Variants in RCOR2 observed in about 807,000 individuals in gnomAD.
The protein encoded by RCOR2 is REST corepressor 2.
A neutral mutation model predicts 58.9 loss-of-function variants in RCOR2; 19 were observed. That is an observed-to-expected ratio of 0.32 (90% confidence interval 0.23 to 0.47). The LOEUF (loss-of-function observed/expected upper bound fraction) is 0.47. Ranked by LOEUF, RCOR2 falls within the 20% of genes least tolerant of loss-of-function variation. The pLI is 1.00. For missense variants in RCOR2, 590 were observed against 707.9 expected, an observed-to-expected ratio of 0.83 and a Z score of 1.89; for synonymous variants, 286 against 278.7, an observed-to-expected ratio of 1.03 and a Z score of -0.26.
At chr11:63,912,987 C>G in intron 8 of RCOR2, 40 bp from the exon 9 acceptor site, 1 of 1,567,598 alleles carries the variant, frequency 6.4e-7, no homozygotes, top group Middle Eastern at 1.7e-4. Flanking sequence ...AGACTCCCAT[C>G]TCAGGCAGGC....
chr11:63,914,775 C>A lies in RCOR2; in HGVS notation c.360G>T (p.Lys120Asn). ...TGAAGTTGGCCAGGTCGGCCAGCGA[C>A]TTCTCCACATCGTGCTTATGCCACA... ...MLLWHKHDVE[K>N]SLADLANFTP... The change falls in exon 5 of 12, where the codon AAG (lysine) becomes AAT (asparagine). Residue 120 changes from lysine to asparagine, a missense_variant. Lys to Asn is a moderately conservative substitution (Grantham distance 94, BLOSUM62 0). Transcript: ENST00000301459. 1 of 1,612,652 alleles carries A rather than the reference C, an allele frequency of 6.2e-7. No individual in the cohort carries two copies. The highest frequency in any genetic ancestry group is 8.5e-7 in the Non-Finnish European group (1 of 1,179,338).
Position 63,912,924 on chromosome 11 carries a change from G to A in RCOR2, c.915C>T (p.Asn305=), listed in dbSNP as rs758142193. 15 of 1,613,308 alleles carry A rather than the reference G, an allele frequency of 9.3e-6. No homozygotes were observed. The highest frequency in any genetic ancestry group is 1.2e-5 in the Non-Finnish European group (14 of 1,179,792). Reference sequence around the variant, plus strand: ...CCTCCAGGGCTTGGCGCAGGCTGCTGTTCGTCTGCTTCATGCTCTGTACCT... The same window carrying A: ...CCTCCAGGGCTTGGCGCAGGCTGCTATTCGTCTGCTTCATGCTCTGTACCT... ...KRQVQSMKQT[N]SSLRQALEGG... Residue 305 remains asparagine, a synonymous_variant, in exon 9 of 12, where the codon AAC becomes AAT. Transcript: ENST00000301459.
Position 63,916,588 on chromosome 11 carries a change from G to A in RCOR2, c.-132C>T. ...TGAGGTTAGGAGAGGCAGGAGGTCA[G>A]CGTGGCTAGGGTCCGGCGGGGTGGG... On this transcript the variant is annotated 5_prime_UTR_variant, in exon 1 of 12. Transcript: ENST00000301459. The A allele has an allele frequency of 2.8e-6, 4 of 1,411,438 alleles. No homozygotes were observed. Among genetic ancestry groups the A allele is most frequent in the Non-Finnish European group, 3.7e-6 (4 of 1,078,672 alleles). 87.4% of individuals were successfully genotyped at this position (1,411,438 alleles called of 1,614,324 possible).
rs181291480 is a variant in RCOR2, at chr11:63,912,765, C to G, written c.970-32G>C. 7.5e-4 allele frequency: 1,204 copies of G among 1,613,184 alleles called. 3 individuals carry two copies. The highest frequency in any genetic ancestry group is 9.9e-4 in the Middle Eastern group (6 of 6,062). ...AGCAAGGAACAACATATCCTTTAGA[C>G]TCAAAACCATGCAAATGGAAGCCCT... On this transcript the variant is annotated intron_variant, in intron 9 of 11. Transcript: ENST00000301459.
upstream of RCOR2, among the ~76,000 whole-genome samples, chr11:63,920,199 G>A (rs1032231460): frequency 1.3e-5 from 2 of 152,260 alleles, no homozygotes; most frequent in Non-Finnish European, 2.9e-5. Context: ...AGTGTTTGCT[G>A]AATGAATAAG....
Position 63,914,862 on chromosome 11 carries a change from G to A in RCOR2, c.318+40C>T, listed in dbSNP as rs200587077. 1.7e-4 allele frequency: 270 copies of A among 1,611,416 alleles called. 3 individuals carry two copies. In the African/African-American group the frequency reaches 2.9e-3, roughly 17 times the overall value. ...GCTGAGCCTGAGCTGCCCCGGCACCGTTCCACCCCATTCCCAAGTCCCTGG... is the reference window on the plus strand; with the variant it reads ...GCTGAGCCTGAGCTGCCCCGGCACCATTCCACCCCATTCCCAAGTCCCTGG... On this transcript the variant is annotated intron_variant, in intron 4 of 11. Coordinates refer to ENST00000301459, the MANE Select transcript of RCOR2 (RefSeq NM_173587.4).
At chr11:63,917,633 G>A (rs900803201), upstream of RCOR2, among the ~76,000 whole-genome samples, 1 of 152,210 alleles carries the variant, frequency 6.6e-6, no homozygotes, top group African/African-American at 2.4e-5. Flanking sequence ...ACGGATGGGA[G>A]GCTGGACAGG....
chr11:63,914,414 C>A lies in RCOR2; in HGVS notation c.605+3G>T, dbSNP rs761054969. 6.8e-6 allele frequency: 11 copies of A among 1,613,536 alleles called. No individual in the cohort carries two copies. The highest frequency in any genetic ancestry group is 8.5e-6 in the Non-Finnish European group (10 of 1,180,038). ...CATGCCCAGTGCTTGCTCCTGCCCC[C>A]ACCTGTCTTCTTTGTCCTTGCGGCC... is the stretch of plus-strand genomic sequence containing the variant. On this transcript the variant is annotated splice_donor_region_variant and intron_variant, in intron 6 of 11. Coordinates refer to ENST00000301459, the MANE Select transcript of RCOR2 (RefSeq NM_173587.4).
upstream of RCOR2, among the ~76,000 whole-genome samples, chr11:63,917,514 G>A (rs1458557915): frequency 6.6e-6 from 1 of 152,254 alleles, no homozygotes; most frequent in African/African-American, 2.4e-5. Flanking sequence ...CCGCCTGCCC[G>A]CCCGCCCGGG....
Position 63,912,185 on chromosome 11 carries a change from G to A in RCOR2, c.1258-6C>T, listed in dbSNP as rs1237825324. ...GAGACCGATGTAATCTGGACCTGAG[G>A]GGAGAGGAAAGAGTGAGAAGCCAGG... On this transcript the variant is annotated splice_region_variant and splice_polypyrimidine_tract_variant and intron_variant, in intron 11 of 11. Coordinates refer to ENST00000301459, the MANE Select transcript of RCOR2 (RefSeq NM_173587.4). The A allele has an allele frequency of 6.4e-7, 1 of 1,569,960 alleles. No individual in the cohort carries two copies. The highest frequency in any genetic ancestry group is 1.4e-5 in the African/African-American group (1 of 73,710).
chr11:63,912,088 G>A lies in RCOR2; in HGVS notation c.1349C>T (p.Pro450Leu). The A allele has an allele frequency of 1.3e-6, 2 of 1,505,422 alleles. No homozygotes were observed. The highest frequency in any genetic ancestry group is 8.8e-7 in the Non-Finnish European group (1 of 1,133,936). The allele number at this position is 1,505,422 out of a possible 1,614,324, so 93.3% of individuals were successfully genotyped here. The change falls in exon 12 of 12, where the codon CCC becomes CTC. Residue 450 changes from proline (P) to leucine (L), a missense_variant. Coordinates refer to ENST00000301459, the MANE Select transcript of RCOR2 (RefSeq NM_173587.4). ...GGGCAAAGGTGGCCTCAGCAGCGGG[G>A]GTGGCTGGGACAGCGAGGTGGGAGG... ...PPPPTSLSQP[P>L]PLLRPPLPTA...
intron 3 of RCOR2, 35 bp from the exon 4 acceptor site, chr11:63,914,989 G>C (rs1268817333): frequency 6.2e-7 from 1 of 1,613,078 alleles, no homozygotes. Context: ...CTTGGTGAAG[G>C]GGGTTATAGC....
Position 63,912,363 on chromosome 11 carries a change from A to G in RCOR2, c.1199T>C (p.Met400Thr), listed in dbSNP as rs1318364165. The change falls in exon 11 of 12, where the codon ATG becomes ACG. Residue 400 changes from methionine to threonine, a missense_variant. Met to Thr is a moderately conservative substitution (Grantham distance 81). This residue lies in a region of RCOR2 where 196 missense variants were observed against 210.7 expected (regional missense o/e 0.93). Transcript: ENST00000301459. Reference sequence around the variant, plus strand: ...TGGAGCCCCTCTCCTAGCCTCCTCCATGGGGACTGGGGCTCCAGGGGCCCC... The same window carrying G: ...TGGAGCCCCTCTCCTAGCCTCCTCCGTGGGGACTGGGGCTCCAGGGGCCCC... ...QDGAPGAPVP[M>T]EEARRGAPLP... is the part of the protein sequence containing the mutation. 53 of 1,613,526 alleles carry G rather than the reference A, an allele frequency of 3.3e-5. No homozygotes were observed. The highest frequency in any genetic ancestry group is 4.5e-5 in the Non-Finnish European group (53 of 1,179,948).
chr11:63,918,782 C>T (rs1485662874), upstream of RCOR2, among the ~76,000 whole-genome samples: 3 of 152,122 alleles, frequency 2.0e-5, no homozygotes, highest in Non-Finnish European at 4.4e-5. Flanking sequence ...TTGCCCCCGC[C>T]CCCTATTAGG....
In RCOR2 at chr11:63,912,110, G is replaced by A. The variant is rs1173821841; in HGVS notation, c.1327C>T (p.Pro443Ser). The change falls in exon 12 of 12, where the codon CCC becomes TCC. Residue 443 changes from proline (P) to serine (S), a missense_variant. Coordinates refer to ENST00000301459, the MANE Select transcript of RCOR2 (RefSeq NM_173587.4). ...VPPAPPPPPPPTSLSQPPPLL... is the reference protein window; with the variant it reads ...VPPAPPPPPPSTSLSQPPPLL... Reference sequence around the variant, plus strand: ...GGGGGTGGCTGGGACAGCGAGGTGGGAGGTGGAGGGGGTGGTGGCGCAGGG... The same window carrying A: ...GGGGGTGGCTGGGACAGCGAGGTGGAAGGTGGAGGGGGTGGTGGCGCAGGG... 27 of 1,501,866 alleles carry A rather than the reference G, an allele frequency of 1.8e-5. No homozygotes were observed. Among genetic ancestry groups the A allele is most frequent in the Non-Finnish European group, 2.3e-5 (26 of 1,129,526 alleles). 93.0% of individuals were successfully genotyped at this position (1,501,866 alleles called of 1,614,324 possible).
chr11:63,922,041 G>T (rs1172958166), upstream of RCOR2, among the ~76,000 whole-genome samples: 1 of 152,172 alleles, frequency 6.6e-6, no homozygotes. Context: ...GAGGGAGTGG[G>T]TTCTAGATAA....
rs1941765041 is a variant in RCOR2 at position 63,911,888 on chromosome 11, CCA to C, written c.1547_1548del (p.Leu516ArgfsTer39). ...QPPPTLIGTP[L>X]EPPAPSL is the part of the protein sequence containing the mutation. ...GCTCAGAGTGAGGGTGCTGGGGGCT[CCA>C]GAGGGGTTCCAATCAGGGTGGGTGG... On this transcript the variant is annotated frameshift_variant, in exon 12 of 12. Transcript: ENST00000301459. LOFTEE classifies it high-confidence loss of function. 7.0e-7 allele frequency: 1 copy of C among 1,420,036 alleles called. No individual in the cohort carries two copies. The highest frequency in any genetic ancestry group is 9.3e-7 in the Non-Finnish European group (1 of 1,072,758). The allele number at this position is 1,420,036 out of a possible 1,614,324, so 88.0% of individuals were successfully genotyped here.
the RCOR2 span, among the ~76,000 whole-genome samples, chr11:63,927,719 GCAC>G: frequency 8.4e-6 from 1 of 119,422 alleles, no homozygotes; most frequent in African/African-American, 3.1e-5. Context: ...GGTGTCCCAA[GCAC>G]CACTTCCCCA....
intron 2 of RCOR2, 59 bp from the exon 3 acceptor site, chr11:63,915,317 G>T: frequency 6.8e-7 from 1 of 1,466,962 alleles, no homozygotes; most frequent in South Asian, 1.2e-5. Context: ...CACAAGCCTA[G>T]ACCCATGGCC....
Sources: allele counts gnomAD v4.1 joint callset (sites outside exome capture counted in the v4.1 genomes callset), GRCh38; gene constraint gnomAD v4.1.1; regional missense constraint gnomAD v4.1.1; transcripts MANE v1.5; gene names NCBI Gene and HGNC (gene_info 2026-07-23, HGNC 2026-07-21).